Variants in CACNG5 observed in about 807,000 individuals in gnomAD.
CACNG5 encodes voltage-dependent calcium channel gamma-5 subunit.
Under a neutral mutation model 24.8 loss-of-function variants are expected in CACNG5, and 18 were observed. That is an observed-to-expected ratio of 0.73 (90% CI 0.50 to 1.08). The LOEUF is 1.08. Among genes scored for constraint, CACNG5 ranks in the 50% least tolerant of loss-of-function variants. The probability of loss-of-function intolerance (pLI) is 0.00; values close to 1 mark genes in which losing one functional copy is unlikely to be tolerated. For synonymous variants in CACNG5, 157 were observed against 149.1 expected (o/e 1.05, Z -0.39); for missense variants, 349 against 367.9 (o/e 0.95, Z 0.42).
At position 66,886,484 on chromosome 17, in the gene CACNG5, C is replaced by T. The variant is rs1487025218; in HGVS notation, c.*1244C>T. Among the ~76,000 whole-genome samples, 1 of 152,194 alleles carries T rather than the reference C, an allele frequency of 6.6e-6. No homozygotes were observed. Among genetic ancestry groups the T allele is most frequent in the Non-Finnish European group, 1.5e-5 (1 of 68,030 alleles). ...GGGTTTCAATTACCCTCCGTAAGTC[C>T]ACAGAAGCCACTGCAAGCCATGCCC... On this transcript the variant is annotated 3_prime_UTR_variant, in exon 6 of 6. Coordinates refer to ENST00000533854, the MANE Select transcript of CACNG5 (RefSeq NM_145811.3).
chr17:66,839,473 G>T (rs1035655532), intron 1 of CACNG5, among the ~76,000 whole-genome samples: 1 of 152,078 alleles, frequency 6.6e-6, no homozygotes, highest in African/African-American at 2.4e-5. Context: ...TGGTGAAGAT[G>T]CTAGAAAGGT....
At chr17:66,884,264 G>A (rs569108149) in intron 4 of CACNG5, among the ~76,000 whole-genome samples, 11 of 152,318 alleles carry the variant, frequency 7.2e-5, no homozygotes, top group South Asian at 2.1e-4. Flanking sequence ...GAGAACCACC[G>A]GGCTTAGCCC....
intron 1 of CACNG5, among the ~76,000 whole-genome samples, chr17:66,851,072 G>A (rs946101067): frequency 6.6e-6 from 1 of 152,088 alleles, no homozygotes; most frequent in African/African-American, 2.4e-5. Context: ...CCTCCATGAA[G>A]GGGAGGCTAA....
At chr17:66,840,229 G>A (rs570489614) in intron 1 of CACNG5, among the ~76,000 whole-genome samples, 10 of 152,308 alleles carry the variant, frequency 6.6e-5, no homozygotes, top group South Asian at 2.1e-4. Context: ...GCCCAGCCAC[G>A]GGCATGTGCT....
intron 1 of CACNG5, among the ~76,000 whole-genome samples, chr17:66,876,084 G>T (rs1032003468): frequency 3.3e-5 from 5 of 152,202 alleles, no homozygotes; most frequent in Non-Finnish European, 7.3e-5. Flanking sequence ...TTCAATTTAG[G>T]ATGTTGGAGA....
chr17:66,859,619 G>T (rs1598051860), intron 1 of CACNG5, among the ~76,000 whole-genome samples: 1 of 152,198 alleles, frequency 6.6e-6, no homozygotes, highest in Middle Eastern at 3.4e-3. Context: ...GTACATCCTA[G>T]AGAGCTTTGC....
chr17:66,855,770 T>C (rs557442760), intron 1 of CACNG5, among the ~76,000 whole-genome samples: 1 of 152,298 alleles, frequency 6.6e-6, no homozygotes, highest in South Asian at 2.1e-4. Flanking sequence ...GTGCTGGGAT[T>C]ACAGGCGTGA....
chr17:66,855,045 T>A (rs1213850971), intron 1 of CACNG5, among the ~76,000 whole-genome samples: 1 of 152,198 alleles, frequency 6.6e-6, no homozygotes, highest in Non-Finnish European at 1.5e-5. Flanking sequence ...GCCTGAGAAT[T>A]CTTACATACT....
intron 1 of CACNG5, among the ~76,000 whole-genome samples, chr17:66,858,056 C>A (rs1156549299): frequency 6.6e-6 from 1 of 152,200 alleles, no homozygotes; most frequent in Non-Finnish European, 1.5e-5. Flanking sequence ...CTTTTCTCCT[C>A]TCAGTTCCTT....
At chr17:66,863,805 TAAC>T (rs1174179965) in intron 1 of CACNG5, among the ~76,000 whole-genome samples, 1 of 152,264 alleles carries the variant, frequency 6.6e-6, no homozygotes, top group Non-Finnish European at 1.5e-5. Flanking sequence ...AGTCTGCTGA[TAAC>T]AACTTTCCTC....
chr17:66,866,705 T>C (rs1976935355), intron 1 of CACNG5, among the ~76,000 whole-genome samples: 1 of 152,160 alleles, frequency 6.6e-6, no homozygotes, highest in African/African-American at 2.4e-5. Flanking sequence ...CACTTATGAG[T>C]GAAGACGTGC....
intron 1 of CACNG5, among the ~76,000 whole-genome samples, chr17:66,843,139 T>G (rs1338365487): frequency 6.6e-6 from 1 of 152,214 alleles, no homozygotes; most frequent in East Asian, 1.9e-4. Context: ...GGTATTATGA[T>G]TCCCATTTTA....
intron 4 of CACNG5, among the ~76,000 whole-genome samples, chr17:66,884,119 T>G (rs1598064887): frequency 4.6e-5 from 6 of 131,226 alleles, no homozygotes; most frequent in Admixed American, 8.1e-5. Flanking sequence ...GCGACAAGAG[T>G]GAAAATCCAC....
intron 1 of CACNG5, among the ~76,000 whole-genome samples, chr17:66,876,966 G>T (rs1000437405): frequency 1.4e-5 from 2 of 146,710 alleles, no homozygotes; most frequent in Non-Finnish European, 3.0e-5. Context: ...CCCATGTCTG[G>T]CACAATGGGT....
chr17:66,884,772 G>A (rs759106972), intron 5 of CACNG5, 111 bp downstream of exon 5: 13 of 1,613,482 alleles, frequency 8.1e-6, no homozygotes, highest in Middle Eastern at 1.6e-4. Context: ...TTTGGACCCC[G>A]GACCACCCAC....
chr17:66,888,883 C>T lies in CACNG5; in HGVS notation c.*3643C>T, dbSNP rs1434646107. Among the ~76,000 whole-genome samples, 1 of 152,118 alleles carries T rather than the reference C, an allele frequency of 6.6e-6. No individual in the cohort carries two copies. Among genetic ancestry groups the T allele is most frequent in the Non-Finnish European group, 1.5e-5 (1 of 68,030 alleles). The stretch of plus-strand genomic sequence containing the variant: ...TTGGAATGTTTCTGGTCAGAGATGT[C>T]ATTTGTGGTTTATGGTCATGTTGAC... On this transcript the variant is annotated 3_prime_UTR_variant, in exon 6 of 6. Coordinates refer to ENST00000533854, the MANE Select transcript of CACNG5 (RefSeq NM_145811.3).
chr17:66,885,372 C>G lies in CACNG5; in HGVS notation c.*132C>G. The G allele has an allele frequency of 9.2e-7, 1 of 1,091,580 alleles. No homozygotes were observed. Among genetic ancestry groups the G allele is most frequent in the Non-Finnish European group, 1.3e-6 (1 of 774,328 alleles). 67.6% of individuals were successfully genotyped at this position (1,091,580 alleles called of 1,614,324 possible). A position where few individuals can be genotyped will look rare whatever the true frequency, so the allele number is the denominator to read the frequency against. ...CATGCTTAGCTGTTGTCACTTGACC[C>G]CAGTCCTCTCCCTGCTTCTCCAGAA... On this transcript the variant is annotated 3_prime_UTR_variant, in exon 6 of 6. Transcript: ENST00000533854.
At chr17:66,840,480 G>T (rs977171118) in intron 1 of CACNG5, among the ~76,000 whole-genome samples, 1 of 152,116 alleles carries the variant, frequency 6.6e-6, no homozygotes, top group African/African-American at 2.4e-5. Context: ...GATCATGGTT[G>T]AGCAGGGGCA....
In CACNG5 at chr17:66,893,751, C is replaced by T. The variant is rs1302368719; in HGVS notation, c.*8511C>T. ...CCCCCCCAACCCGGCATTCTGAAGC[C>T]CTTCAGCTGGAGAGGAGGAAGAGAT... On this transcript the variant is annotated 3_prime_UTR_variant, in exon 6 of 6. Transcript: ENST00000533854. Among the ~76,000 whole-genome samples the T allele has an allele frequency of 2.0e-5, 3 of 151,804 alleles. No individual in the cohort carries two copies. The highest frequency in any genetic ancestry group is 7.3e-5 in the African/African-American group (3 of 41,296).
Sources: gnomAD v4.1 joint callset for allele counts (sites outside exome capture counted in the v4.1 genomes callset) on GRCh38, gnomAD v4.1.1 for gene constraint, MANE v1.5 for transcripts, NCBI Gene and HGNC (gene_info 2026-07-23, HGNC 2026-07-21) for gene names.